Variants in PDE5A observed in about 807,000 individuals in gnomAD.
The protein encoded by PDE5A is cGMP-specific 3',5'-cyclic phosphodiesterase.
In PDE5A, 67 loss-of-function variants were observed where a neutral mutation model predicts 110.2. That is an observed-to-expected ratio of 0.61 (90% CI 0.50 to 0.75). The LOEUF is 0.75. Among genes scored for constraint, PDE5A ranks in the 30% least tolerant of loss-of-function variants. PDE5A has a pLI of 0.00. For synonymous variants in PDE5A, 328 were observed against 351.2 expected (o/e 0.93, Z 0.74); for missense variants, 862 against 1,045.1 (o/e 0.82, Z 2.42).
intron 3 of PDE5A, among the ~76,000 whole-genome samples, chr4:119,573,749 C>T (rs575914258): frequency 1.3e-5 from 2 of 152,250 alleles, no homozygotes; most frequent in African/African-American, 4.8e-5. Context: ...TTCGTGGCTA[C>T]GAATGGGCAG....
intron 13 of PDE5A, among the ~76,000 whole-genome samples, chr4:119,520,545 A>G (rs1207578816): frequency 6.6e-6 from 1 of 152,140 alleles, no homozygotes; most frequent in Non-Finnish European, 1.5e-5. Context: ...AAGCAAGTTC[A>G]GGAACTAGGT....
intron 20 of PDE5A, chr4:119,500,865 A>G (rs1578718548): frequency 4.9e-6 from 1 of 204,484 alleles, no homozygotes; most frequent in African/African-American, 2.5e-5. Context: ...TAGACTTAAA[A>G]AAAGAATATG....
intron 3 of PDE5A, among the ~76,000 whole-genome samples, chr4:119,590,706 G>C (rs1578805815): frequency 6.6e-6 from 1 of 152,270 alleles, no homozygotes; most frequent in Admixed American, 6.5e-5. Context: ...TTTTTAATTA[G>C]TTGAAATACT....
intron 11 of PDE5A, among the ~76,000 whole-genome samples, chr4:119,532,852 CA>C (rs1305022056): frequency 1.3e-5 from 2 of 151,434 alleles, no homozygotes; most frequent in East Asian, 1.9e-4. Flanking sequence ...AATCTTTGTA[CA>C]AAAAAAAGGT....
chr4:119,508,005 T>TA (rs1336260717), intron 15 of PDE5A, among the ~76,000 whole-genome samples: 1 of 151,804 alleles, frequency 6.6e-6, no homozygotes, highest in Non-Finnish European at 1.5e-5. Flanking sequence ...TAGGGCAGAC[T>TA]AATCGCTATA....
intron 4 of PDE5A, among the ~76,000 whole-genome samples, chr4:119,566,164 C>A (rs555576037): frequency 3.9e-5 from 6 of 152,052 alleles, no homozygotes; most frequent in Non-Finnish European, 8.8e-5. Flanking sequence ...TCTCAAGTGC[C>A]ATGAACAGAA....
intron 1 of PDE5A, among the ~76,000 whole-genome samples, chr4:119,623,374 C>T (rs1179475197): frequency 6.6e-6 from 1 of 152,176 alleles, no homozygotes; most frequent in Non-Finnish European, 1.5e-5. Flanking sequence ...ATTTAATTGT[C>T]CTACAGTCCT....
At chr4:119,520,782 T>C (rs952314031) in intron 13 of PDE5A, among the ~76,000 whole-genome samples, 153 bp downstream of exon 13, 2 of 151,698 alleles carry the variant, frequency 1.3e-5, no homozygotes, top group African/African-American at 2.4e-5. Flanking sequence ...AGATTAGTCC[T>C]CTTTAATTAA....
Position 119,540,059 on chromosome 4 carries a change from A to T in PDE5A, c.1573-1040T>A, listed in dbSNP as rs571072918. ...CCCAAACTGCAATGGGATTTTTTTTAAACATTCTTTTAAACCAAGGTAGTG... is the reference window on the plus strand; with the variant it reads ...CCCAAACTGCAATGGGATTTTTTTTTAACATTCTTTTAAACCAAGGTAGTG... On this transcript the variant is annotated intron_variant, in intron 10 of 20. Coordinates refer to ENST00000354960, the MANE Select transcript of PDE5A (RefSeq NM_001083.4). 3.2e-4 allele frequency among the ~76,000 whole-genome samples: 49 copies of T among 152,284 alleles called. No individual in the cohort carries two copies. The Middle Eastern group carries it at 0.01, about 32-fold the overall frequency.
chr4:119,519,862 A>G (rs2110469030), intron 13 of PDE5A, among the ~76,000 whole-genome samples: 1 of 152,288 alleles, frequency 6.6e-6, no homozygotes, highest in Middle Eastern at 3.4e-3. Context: ...ATAAGTTTAC[A>G]TGATTTCTTA....
chr4:119,518,812 T>C (rs1446480249), intron 14 of PDE5A, among the ~76,000 whole-genome samples: 1 of 152,200 alleles, frequency 6.6e-6, no homozygotes, highest in East Asian at 1.9e-4. Context: ...AAAGTAAAAC[T>C]CCTGGTAATT....
rs146269989 is a variant in PDE5A at position 119,536,545 on chromosome 4, G to A, written c.1632+2415C>T. Among the ~76,000 whole-genome samples the A allele has an allele frequency of 4.8e-3, 730 of 152,214 alleles. 3 individuals are homozygous for A. The highest frequency in any genetic ancestry group is 0.017 in the African/African-American group (693 of 41,528). ...AAAACTGTTCATCACTTCAAATACTGTCATCAACATACAAAATAAATATAG... is the reference window on the plus strand; with the variant it reads ...AAAACTGTTCATCACTTCAAATACTATCATCAACATACAAAATAAATATAG... On this transcript the variant is annotated intron_variant, in intron 11 of 20. Transcript: ENST00000354960.
chr4:119,617,943 T>C (rs1022085344), intron 1 of PDE5A, among the ~76,000 whole-genome samples: 2 of 152,176 alleles, frequency 1.3e-5, no homozygotes, highest in African/African-American at 4.8e-5. Flanking sequence ...CATTAAGTAA[T>C]GTGCTTCCAC....
At chr4:119,511,194 A>G in intron 14 of PDE5A, 60 bp from the exon 15 acceptor site, 3 of 1,042,602 alleles carry the variant, frequency 2.9e-6, no homozygotes, top group Non-Finnish European at 4.5e-6. Context: ...GCCATTTATC[A>G]GTACATTTTT....
chr4:119,539,042 C>A, intron 10 of PDE5A, 23 bp from the exon 11 acceptor site: 3 of 1,580,560 alleles, frequency 1.9e-6, no homozygotes, highest in Non-Finnish European at 2.6e-6. Context: ...AAAAGAAGTC[C>A]AGGTTACACA....
chr4:119,620,823 C>T (rs1367159424), intron 1 of PDE5A, among the ~76,000 whole-genome samples: 1 of 152,118 alleles, frequency 6.6e-6, no homozygotes, highest in Non-Finnish European at 1.5e-5. Flanking sequence ...ATTTAATATG[C>T]ATATATGCCT....
chr4:119,511,813 G>C (rs1157640407), intron 14 of PDE5A, among the ~76,000 whole-genome samples: 9 of 152,158 alleles, frequency 5.9e-5, no homozygotes, highest in Non-Finnish European at 2.9e-5. Context: ...TGAGTGAAGA[G>C]AAAGGAAAGG....
In PDE5A at chr4:119,519,122, C is replaced by T; in HGVS notation, c.1923G>A (p.Leu641=). 4.3e-6 allele frequency: 7 copies of T among 1,613,594 alleles called. No individual in the cohort carries two copies. The highest frequency in any genetic ancestry group is 5.9e-6 in the Non-Finnish European group (7 of 1,179,550). ...CAGCAATCAGCAATGCAAGTATCTC[C>T]AGGTCAGTCAGCTTGTTCTGCATGA... The part of the protein sequence containing the change: ...AGKIQNKLTD[L]EILALLIAAL... The change falls in exon 14 of 21, where the codon CTG becomes CTA. Residue 641 remains leucine, a synonymous_variant. Coordinates refer to ENST00000354960, the MANE Select transcript of PDE5A (RefSeq NM_001083.4).
chr4:119,498,829 T>G, intron 20 of PDE5A, 91 bp from the exon 21 acceptor site: 1 of 1,345,300 alleles, frequency 7.4e-7, no homozygotes, highest in South Asian at 1.2e-5. Context: ...CATCCCACAC[T>G]CATTTCATAA....
Sources: allele counts gnomAD v4.1 joint callset (sites outside exome capture counted in the v4.1 genomes callset), GRCh38; gene constraint gnomAD v4.1.1; transcripts MANE v1.5; gene names NCBI Gene and HGNC (gene_info 2026-07-23, HGNC 2026-07-21).